Variants in SAXO4 observed in about 807,000 individuals in gnomAD.
SAXO4 encodes the protein protein phosphatase 1 regulatory subunit 32.
chr11:61,490,434 G>C, the SAXO4 span: 1 of 1,419,560 alleles, frequency 7.0e-7, no homozygotes, highest in Non-Finnish European at 1.0e-6. Flanking sequence ...TCAGGCAGAA[G>C]ACAAGAAGAC....
chr11:61,485,825 G>A, the SAXO4 span: 19 of 1,613,762 alleles, frequency 1.2e-5, no homozygotes, highest in Non-Finnish European at 1.4e-5. Context: ...ATCGATCGGC[G>A]CAAAGGAGGG....
chr11:61,489,470 A>AG, the SAXO4 span: 1 of 557,168 alleles, frequency 1.8e-6, no homozygotes, highest in Non-Finnish European at 3.2e-6. Context: ...ATGAAATGGA[A>AG]GGAAAGTTAA....
the SAXO4 span, chr11:61,482,707 C>A: frequency 6.2e-7 from 1 of 1,614,068 alleles, no homozygotes. Flanking sequence ...CTACCGCCCC[C>A]TGGAGGTGCC....
the SAXO4 span, among the ~76,000 whole-genome samples, chr11:61,485,013 G>A: frequency 2.6e-5 from 4 of 152,282 alleles, no homozygotes; most frequent in East Asian, 3.9e-4. Flanking sequence ...GGCTTCTCGC[G>A]ATTTAACGCT....
the SAXO4 span, among the ~76,000 whole-genome samples, chr11:61,487,918 C>T: frequency 6.6e-6 from 1 of 151,890 alleles, no homozygotes; most frequent in Non-Finnish European, 1.5e-5. Context: ...ATGGGGAAGC[C>T]TCCTGGGGCC....
the SAXO4 span, among the ~76,000 whole-genome samples, chr11:61,485,010 C>A: frequency 2.0e-5 from 3 of 152,168 alleles, no homozygotes; most frequent in Non-Finnish European, 4.4e-5. Flanking sequence ...TGTGGCTTCT[C>A]GCGATTTAAC....
the SAXO4 span, chr11:61,485,276 G>A: frequency 1.3e-5 from 20 of 1,488,698 alleles, no homozygotes; most frequent in African/African-American, 5.5e-5. Flanking sequence ...CTCCACCGCC[G>A]CCACACGCCT....
chr11:61,482,721 C>A, the SAXO4 span: 2 of 1,614,016 alleles, frequency 1.2e-6, no homozygotes, highest in African/African-American at 1.3e-5. Context: ...AGGTGCCTGA[C>A]GGCAAGCATC....
chr11:61,489,980 A>G, the SAXO4 span: 1 of 1,578,090 alleles, frequency 6.3e-7, no homozygotes, highest in South Asian at 1.2e-5. Context: ...CTTTCTCCCT[A>G]CCCCTCATCC....
the SAXO4 span, chr11:61,486,621 T>TTGA: frequency 6.2e-7 from 1 of 1,613,046 alleles, no homozygotes; most frequent in African/African-American, 1.3e-5. Context: ...GTGAGTGGCC[T>TTGA]TGGCGTCTTG....
At chr11:61,486,169 G>C in the SAXO4 span, among the ~76,000 whole-genome samples, 2 of 152,256 alleles carry the variant, frequency 1.3e-5, no homozygotes, top group Non-Finnish European at 2.9e-5. Flanking sequence ...CCCATTCAGA[G>C]TCATGCCTTC....
the SAXO4 span, among the ~76,000 whole-genome samples, chr11:61,484,071 T>C: frequency 6.6e-6 from 1 of 151,566 alleles, no homozygotes; most frequent in Non-Finnish European, 1.5e-5. Context: ...ACCCCATCTC[T>C]ACCAAAAAAA....
chr11:61,481,934 C>T, the SAXO4 span: 8,429 of 1,520,796 alleles, frequency 5.5e-3, 406 homozygotes, highest in African/African-American at 0.1. Context: ...GGTGCCTTTG[C>T]GCAGGAGCCT....
the SAXO4 span, chr11:61,490,700 C>A: frequency 1.1e-6 from 1 of 889,746 alleles, no homozygotes; most frequent in Non-Finnish European, 1.8e-6. Context: ...ACCCCCCTTC[C>A]AAGTGGGGGG....
chr11:61,486,647 A>G, the SAXO4 span: 1 of 1,589,598 alleles, frequency 6.3e-7, no homozygotes, highest in Non-Finnish European at 8.6e-7. Context: ...AGAAGGGAGA[A>G]GACAGGGAGG....
At chr11:61,489,996 G>A in the SAXO4 span, 106 of 1,536,800 alleles carry the variant, frequency 6.9e-5, no homozygotes, top group African/African-American at 2.5e-4. Flanking sequence ...CATCCAGGCC[G>A]TGTGCCAGGC....
the SAXO4 span, chr11:61,484,722 G>T: frequency 6.2e-7 from 1 of 1,613,754 alleles, no homozygotes; most frequent in Non-Finnish European, 8.5e-7. Context: ...CAGGAGCACG[G>T]GCCTCAGGCC....
At chr11:61,488,115 T>C in the SAXO4 span, among the ~76,000 whole-genome samples, 1 of 151,392 alleles carries the variant, frequency 6.6e-6, no homozygotes, top group Non-Finnish European at 1.5e-5. Context: ...CCCTCCTAAA[T>C]AGCTGGGATT....
chr11:61,484,713 A>G, the SAXO4 span: 2 of 1,613,646 alleles, frequency 1.2e-6, no homozygotes, highest in African/African-American at 2.7e-5. Flanking sequence ...TTCGACACCC[A>G]GGAGCACGGG....
Sources: allele counts gnomAD v4.1 joint callset (sites outside exome capture counted in the v4.1 genomes callset), GRCh38; gene constraint gnomAD v4.1.1; transcripts MANE v1.5; gene names NCBI Gene and HGNC (gene_info 2026-07-23, HGNC 2026-07-21).